The following EFCAB6 variants were observed in gnomAD, a reference collection of about 807,000 sequenced individuals.
EFCAB6 encodes the protein EF-hand calcium binding domain 6.
Under a neutral mutation model 169.8 loss-of-function variants are expected in EFCAB6, and 156 were observed. That is an observed-to-expected ratio of 0.92 (90% CI 0.81 to 1.05). EFCAB6 has a LOEUF of 1.05. Ranked by LOEUF, EFCAB6 falls within the 50% of genes least tolerant of loss-of-function variation. EFCAB6 has a pLI of 0.00. For missense variants in EFCAB6, 1,800 were observed against 1,829.1 expected, an observed-to-expected ratio of 0.98 and a Z score of 0.29; for synonymous variants, 698 against 676.4, an observed-to-expected ratio of 1.03 and a Z score of -0.50.
chr22:43,621,038 C>A (rs2054080032), intron 20 of EFCAB6, among the ~76,000 whole-genome samples: 1 of 151,694 alleles, frequency 6.6e-6, no homozygotes. Flanking sequence ...TCTCTGACCA[C>A]AACAGAATTA....
intron 5 of EFCAB6, among the ~76,000 whole-genome samples, chr22:43,762,350 C>G (rs1465645923): frequency 2.0e-5 from 3 of 152,176 alleles, no homozygotes; most frequent in African/African-American, 4.8e-5. Context: ...TGTCTCCATA[C>G]TCCAAATGGC....
chr22:43,579,825 C>T (rs1410647092), intron 25 of EFCAB6, among the ~76,000 whole-genome samples: 7 of 150,482 alleles, frequency 4.7e-5, no homozygotes, highest in South Asian at 2.1e-4. Context: ...ATTCCCTACA[C>T]GCAGGCATCA....
chr22:43,731,632 C>T, intron 8 of EFCAB6, 67 bp downstream of exon 8: 1 of 918,190 alleles, frequency 1.1e-6, no homozygotes, highest in Non-Finnish European at 1.6e-6. Context: ...AGGAATGATC[C>T]AAAGAACAGG....
intron 8 of EFCAB6, among the ~76,000 whole-genome samples, chr22:43,726,276 C>CAAAAAAAA (rs3994547): frequency 1.7e-5 from 1 of 59,356 alleles, no homozygotes; most frequent in Admixed American, 1.9e-4. Flanking sequence ...AAAAATTCAC[C>CAAAAAAAA]AAAAAAAAAA....
At chr22:43,531,084 TC>T in intron 30 of EFCAB6, 120 bp from the exon 31 acceptor site, 17 of 1,326,254 alleles carry the variant, frequency 1.3e-5, no homozygotes, top group Non-Finnish European at 1.8e-5. Context: ...CCCAACCTGC[TC>T]CGCTGGCTCT....
chr22:43,780,517 G>A lies in EFCAB6; in HGVS notation c.139+1663C>T, dbSNP rs191835556. On this transcript the variant is annotated intron_variant, in intron 3 of 31. Coordinates refer to ENST00000262726, the MANE Select transcript of EFCAB6 (RefSeq NM_022785.4). ...AAAAAAAAAAAAAAAAAAAGAGTAG[G>A]AACACCTTTTAACCCAGTCATCTCA... Among the ~76,000 whole-genome samples the A allele has an allele frequency of 4.1e-3, 608 of 148,594 alleles. 2 individuals are homozygous for A. Among genetic ancestry groups the A allele is most frequent in the Middle Eastern group, 0.021 (6 of 288 alleles).
intron 9 of EFCAB6, among the ~76,000 whole-genome samples, chr22:43,715,864 G>A (rs1158319061): frequency 6.6e-6 from 1 of 152,106 alleles, no homozygotes; most frequent in Non-Finnish European, 1.5e-5. Flanking sequence ...CACCCTTATC[G>A]ACACTGGCTT....
intron 20 of EFCAB6, among the ~76,000 whole-genome samples, chr22:43,622,588 A>G (rs1195358176): frequency 6.6e-6 from 1 of 152,032 alleles, no homozygotes; most frequent in Non-Finnish European, 1.5e-5. Context: ...GCAAACAAAA[A>G]CAAACAAACT....
rs146216643 is a variant in EFCAB6 at position 43,635,190 on chromosome 22, C to T, written c.2010G>A (p.Met670Ile). The T allele has an allele frequency of 3.4e-5, 55 of 1,614,156 alleles. No individual in the cohort carries two copies. In the African/African-American group the frequency reaches 6.7e-4, roughly 20 times the overall value. Residue 670 changes from methionine to isoleucine, a missense_variant, in exon 18 of 32, where the codon ATG (methionine) becomes ATA (isoleucine). Met to Ile is a conservative substitution (Grantham distance 10). Coordinates refer to ENST00000262726, the MANE Select transcript of EFCAB6 (RefSeq NM_022785.4). The stretch of plus-strand genomic sequence containing the variant: ...TCAGCAGGGCATACTGATCATCGTC[C>T]ATGGGCATCCCAGTGTCTTCCAGTA... ...KKVLEDTGMP[M>I]DDDQYALLTT...
chr22:43,713,754 T>A (rs1032813516), intron 9 of EFCAB6, among the ~76,000 whole-genome samples: 1 of 152,178 alleles, frequency 6.6e-6, no homozygotes, highest in African/African-American at 2.4e-5. Flanking sequence ...GGAGAATGTA[T>A]AACTTGCAAA....
intron 8 of EFCAB6, among the ~76,000 whole-genome samples, chr22:43,730,198 A>G (rs1193781975): frequency 8.3e-6 from 1 of 120,522 alleles, no homozygotes; most frequent in African/African-American, 3.2e-5. Flanking sequence ...TAAGAAAGAA[A>G]AAAGAGAGGA....
intron 5 of EFCAB6, among the ~76,000 whole-genome samples, chr22:43,762,320 G>T (rs1364593434): frequency 6.6e-6 from 1 of 152,136 alleles, no homozygotes; most frequent in Non-Finnish European, 1.5e-5. Flanking sequence ...CCTTGGGAAG[G>T]CCTTCTAGGC....
At chr22:43,740,807 A>G (rs1334104631) in intron 6 of EFCAB6, among the ~76,000 whole-genome samples, 1 of 152,202 alleles carries the variant, frequency 6.6e-6, no homozygotes, top group Non-Finnish European at 1.5e-5. Flanking sequence ...GCCTGCTCTC[A>G]TGGCCGGATA....
chr22:43,712,357 G>A (rs1000446346), intron 9 of EFCAB6, among the ~76,000 whole-genome samples: 2 of 151,958 alleles, frequency 1.3e-5, no homozygotes, highest in Non-Finnish European at 2.9e-5. Flanking sequence ...TGCTAACTGG[G>A]ATAAGAAGAT....
At chr22:43,569,293 A>T (rs1039338049) in intron 26 of EFCAB6, among the ~76,000 whole-genome samples, 1 of 152,246 alleles carries the variant, frequency 6.6e-6, no homozygotes, top group Non-Finnish European at 1.5e-5. Context: ...GAATCTCAGC[A>T]GCCTGTGCAA....
At chr22:43,711,936 A>C (rs1479179706) in intron 9 of EFCAB6, among the ~76,000 whole-genome samples, 1 of 152,178 alleles carries the variant, frequency 6.6e-6, no homozygotes, top group Non-Finnish European at 1.5e-5. Flanking sequence ...ATCTTCCTTA[A>C]TATACTTTCA....
intron 12 of EFCAB6, chr22:43,683,544 G>A (rs754383994): frequency 1.5e-5 from 8 of 546,654 alleles, no homozygotes; most frequent in South Asian, 1.0e-4. Flanking sequence ...TCCATCGTCC[G>A]TCTTCCCAAC....
chr22:43,691,467 A>G (rs1437195201), intron 10 of EFCAB6, among the ~76,000 whole-genome samples: 2 of 152,118 alleles, frequency 1.3e-5, no homozygotes, highest in Non-Finnish European at 2.9e-5. Context: ...AGAGATTAAG[A>G]AGTTAAATGT....
chr22:43,761,062 G>A (rs1256992533), intron 5 of EFCAB6, among the ~76,000 whole-genome samples: 2 of 152,178 alleles, frequency 1.3e-5, no homozygotes, highest in African/African-American at 4.8e-5. Context: ...GGGATTACAG[G>A]CGTAAGCCAC....
Sources: gnomAD v4.1 joint callset for allele counts (sites outside exome capture counted in the v4.1 genomes callset) on GRCh38, gnomAD v4.1.1 for gene constraint, MANE v1.5 for transcripts, NCBI Gene and HGNC (gene_info 2026-07-23, HGNC 2026-07-21) for gene names.